Variants in HCFC1 observed in about 807,000 individuals in gnomAD.
HCFC1 encodes the protein host cell factor 1.
Under a neutral mutation model 105.5 loss-of-function variants are expected in HCFC1, and 7 were observed. The observed-to-expected ratio is 0.07, with a 90% CI of 0.04 to 0.12. The LOEUF (loss-of-function observed/expected upper bound fraction) is 0.12. Among genes scored for constraint, HCFC1 ranks in the 10% least tolerant of loss-of-function variants. The pLI, the probability that HCFC1 is intolerant of heterozygous loss-of-function variation, is 1.00. For missense variants in HCFC1, 1,065 were observed against 1,823.6 expected (o/e 0.58, Z 7.58); for synonymous variants, 918 against 828.1 (o/e 1.11, Z -1.86).
intron 22 of HCFC1, 77 bp downstream of exon 22, chrX:153,951,273 G>C: frequency 1.8e-6 from 2 of 1,121,162 alleles, no homozygotes; most frequent in Non-Finnish European, 2.4e-6. Context: ...AGATGGAGGA[G>C]TTTCCTGTAA....
In HCFC1 at chrX:153,959,946, C is replaced by A; in HGVS notation, c.1300G>T (p.Ala434Ser). 1 of 1,210,400 alleles carries A rather than the reference C, an allele frequency of 8.3e-7. No individual in the cohort carries two copies. The highest frequency in any genetic ancestry group is 1.8e-5 in the South Asian group (1 of 56,900). The stretch of plus-strand genomic sequence containing the variant: ...TGGGTCAGCGGCTGCACAGCAGGTG[C>A]GGCTGCTGCTGGGGCAGGGCTCTTG... ...PPKSPAPAAA[A>S]PAVQPLTQVG... The change falls in exon 8 of 26, where the codon GCA (alanine) becomes TCA (serine). Residue 434 changes from alanine to serine, a missense_variant. By Grantham distance (99) the Ala-to-Ser change is moderately conservative. Transcript: ENST00000310441.
chrX:153,952,093 G>A lies in HCFC1; in HGVS notation c.5008C>T (p.Leu1670=). ...ATVTQAELGH[L]SAEGQEGQAT... is the part of the protein sequence containing the mutation. ...TGGCCCTCCTGACCCTCGGCCGACA[G>A]GTGCCCCAGCTCCGCCTGAGTCACG... The change falls in exon 20 of 26, where the codon CTG becomes TTG. Residue 1670 remains leucine (L), a synonymous_variant. Transcript: ENST00000310441. The A allele has an allele frequency of 8.6e-7, 1 of 1,158,757 alleles. No homozygotes were observed. The highest frequency in any genetic ancestry group is 1.1e-6 in the Non-Finnish European group (1 of 870,586).
chrX:153,951,053 C>T (rs1256048476), intron 22 of HCFC1, 55 bp from the exon 23 acceptor site: 6 of 1,066,693 alleles, frequency 5.6e-6, no homozygotes, highest in Admixed American at 2.2e-5. Flanking sequence ...CTCTGGGCCA[C>T]CCCAGGAACA....
chrX:153,971,070 G>C lies in HCFC1; in HGVS notation c.-230C>G, dbSNP rs1226676473. ...CAAGAGCCGCCCGAAACTGTCGAGC[G>C]CCTAGGCTCAAGAAGCTGGAGGCCG... is the stretch of plus-strand genomic sequence containing the variant. On this transcript the variant is annotated 5_prime_UTR_variant, in exon 1 of 26. Coordinates refer to ENST00000310441, the MANE Select transcript of HCFC1 (RefSeq NM_005334.3). 1.6e-5 allele frequency: 6 copies of C among 369,242 alleles called. No individual in the cohort carries two copies. Among genetic ancestry groups the C allele is most frequent in the African/African-American group, 1.6e-4 (6 of 37,284 alleles). 30.4% of individuals were successfully genotyped at this position (369,242 alleles called of 1,213,427 possible). A position where few individuals can be genotyped will look rare whatever the true frequency, so the allele number is the denominator to read the frequency against.
intron 6 of HCFC1, 32 bp downstream of exon 6, chrX:153,961,510 C>T (rs2065429478): frequency 9.5e-7 from 1 of 1,058,068 alleles, no homozygotes; most frequent in African/African-American, 1.8e-5. Flanking sequence ...TGCAGCCTCC[C>T]ACAGGCCACT....
intron 1 of HCFC1, 108 bp downstream of exon 1, chrX:153,970,540 G>A (rs1488458161): frequency 1.2e-4 from 61 of 509,658 alleles, no homozygotes; most frequent in Middle Eastern, 7.4e-4. Context: ...AGGAGATGGA[G>A]GGAGGGAGGA....
At chrX:153,966,978 C>T (rs1444803076) in intron 1 of HCFC1, among the ~76,000 whole-genome samples, 1 of 112,313 alleles carries the variant, frequency 8.9e-6, no homozygotes, top group Non-Finnish European at 1.9e-5. Flanking sequence ...GATCCTTCTA[C>T]AGGACCCAAG....
At position 153,971,393 on chromosome X, in the gene HCFC1, G is replaced by C. The variant is rs2148619755; in HGVS notation, c.-553C>G. Reference sequence around the variant, plus strand: ...TGAGACCGTCCCGCTTCCCCGCCCAGCGCCTTAGTGCAGCCGCCGCTCCCG... The same window carrying C: ...TGAGACCGTCCCGCTTCCCCGCCCACCGCCTTAGTGCAGCCGCCGCTCCCG... On this transcript the variant is annotated 5_prime_UTR_variant, in exon 1 of 26. Coordinates refer to ENST00000310441, the MANE Select transcript of HCFC1 (RefSeq NM_005334.3). 3.4e-6 allele frequency: 1 copy of C among 292,360 alleles called. No homozygotes were observed. Among genetic ancestry groups the C allele is most frequent in the South Asian group, 2.3e-4 (1 of 4,403 alleles). 24.1% of individuals were successfully genotyped at this position (292,360 alleles called of 1,213,427 possible).
At position 153,970,865 on chromosome X, in the gene HCFC1, G is replaced by C. The variant is rs781965630; in HGVS notation, c.-25C>G. The C allele has an allele frequency of 7.1e-6, 8 of 1,122,276 alleles. No homozygotes were observed. Among genetic ancestry groups the C allele is most frequent in the Admixed American group, 3.4e-5 (1 of 29,257 alleles). The allele number at this position is 1,122,276 out of a possible 1,213,427, so 92.5% of individuals were successfully genotyped here. On this transcript the variant is annotated 5_prime_UTR_variant, in exon 1 of 26. Coordinates refer to ENST00000310441, the MANE Select transcript of HCFC1 (RefSeq NM_005334.3). ...TAGTTCCGGGAAAGGGTGCGGTGGG[G>C]AGAAGTCAACAAGCGGGAAGGGAGC... is the stretch of plus-strand genomic sequence containing the variant.
chrX:153,956,070 G>T, intron 16 of HCFC1, 121 bp downstream of exon 16: 2 of 642,237 alleles, frequency 3.1e-6, no homozygotes, highest in Non-Finnish European at 4.9e-6. Flanking sequence ...GCCTGCCATG[G>T]CTGCACCCGG....
chrX:153,964,514 G>A, intron 2 of HCFC1, 64 bp downstream of exon 2: 1 of 1,112,044 alleles, frequency 9.0e-7, no homozygotes, highest in Non-Finnish European at 1.2e-6. Flanking sequence ...CCTCAACCCT[G>A]AAGCCACTAC....
intron 3 of HCFC1, 67 bp downstream of exon 3, chrX:153,964,057 C>T: frequency 1.0e-6 from 1 of 982,203 alleles, no homozygotes; most frequent in Non-Finnish European, 1.4e-6. Flanking sequence ...TTTAGGACAC[C>T]ATGGAGCCCT....
chrX:153,957,603 C>T lies in HCFC1; in HGVS notation c.2134-70G>A, dbSNP rs1239093935. 29 of 938,442 alleles carry T rather than the reference C, an allele frequency of 3.1e-5. No individual in the cohort carries two copies. The South Asian group carries it at 3.5e-4, about 11-fold the overall frequency. 77.3% of individuals were successfully genotyped at this position (938,442 alleles called of 1,213,427 possible). A position where few individuals can be genotyped will look rare whatever the true frequency, so the allele number is the denominator to read the frequency against. On this transcript the variant is annotated intron_variant, in intron 12 of 25. Transcript: ENST00000310441. ...AGGGAAGTGTGGTCTGGCTACTCTC[C>T]GCCGGCAGCCTTGGCGGCTCAGGGA... is the stretch of plus-strand genomic sequence containing the variant.
In HCFC1 at chrX:153,954,205, G is replaced by A. The variant is rs782322654; in HGVS notation, c.4194C>T (p.Ser1398=). ...ESGLEVAAAP[S]VTPQAGTALL... is the part of the protein sequence containing the mutation. The stretch of plus-strand genomic sequence containing the variant: ...GCGCGGTGCCAGCCTGGGGGGTGAC[G>A]CTGGGTGCCGCCGCCACCTCTAGGC... The change falls in exon 17 of 26, where the codon AGC becomes AGT. Residue 1398 remains serine, a synonymous_variant. Transcript: ENST00000310441. 68 of 1,206,248 alleles carry A rather than the reference G, an allele frequency of 5.6e-5. No individual in the cohort carries two copies. The highest frequency in any genetic ancestry group is 7.3e-5 in the Non-Finnish European group (65 of 894,093).
At position 153,971,502 on chromosome X, in the gene HCFC1, TCGCGCC is replaced by T; in HGVS notation, c.-668_-663del. 3.4e-6 allele frequency: 1 copy of T among 293,537 alleles called. No individual in the cohort carries two copies. Among genetic ancestry groups the T allele is most frequent in the African/African-American group, 2.7e-5 (1 of 36,909 alleles). 24.2% of individuals were successfully genotyped at this position (293,537 alleles called of 1,213,427 possible). A position where few individuals can be genotyped will look rare whatever the true frequency, so the allele number is the denominator to read the frequency against. ...GAGCTCTCGAGGGCCGTTTGGGGGC[TCGCGCC>T]GTACGGCTTGTGAAGTCTCGCGCCT... On this transcript the variant is annotated 5_prime_UTR_variant, in exon 1 of 26. Coordinates refer to ENST00000310441, the MANE Select transcript of HCFC1 (RefSeq NM_005334.3).
At position 153,951,986 on chromosome X, in the gene HCFC1, G is replaced by C. The variant is rs781826599; in HGVS notation, c.5115C>G (p.Ala1705=). ...VQQQQLQEAQ[A]QQQHHHLPTE... ...TGGGGAGGTGGTGATGCTGCTGCTGGGCCTGGGCCTCCTGCAGCTGCTGCT... is the reference window on the plus strand; with the variant it reads ...TGGGGAGGTGGTGATGCTGCTGCTGCGCCTGGGCCTCCTGCAGCTGCTGCT... The change falls in exon 20 of 26, where the codon GCC becomes GCG. Residue 1705 remains alanine (A), a synonymous_variant. Transcript: ENST00000310441. 2.5e-6 allele frequency: 3 copies of C among 1,194,238 alleles called. No homozygotes were observed. The African/African-American group carries it at 5.2e-5, about 21-fold the overall frequency.
chrX:153,971,403 G>A lies in HCFC1; in HGVS notation c.-563C>T, dbSNP rs1334655165. On this transcript the variant is annotated 5_prime_UTR_variant, in exon 1 of 26. Transcript: ENST00000310441. ...CCGCTTCCCCGCCCAGCGCCTTAGT[G>A]CAGCCGCCGCTCCCGAAACAGCCTC... 3.4e-6 allele frequency: 1 copy of A among 294,477 alleles called. No individual in the cohort carries two copies. Among genetic ancestry groups the A allele is most frequent in the East Asian group, 4.8e-5 (1 of 20,892 alleles). 24.3% of individuals were successfully genotyped at this position (294,477 alleles called of 1,213,427 possible). A position where few individuals can be genotyped will look rare whatever the true frequency, so the allele number is the denominator to read the frequency against.
At position 153,954,100 on chromosome X, in the gene HCFC1, G is replaced by A. The variant is rs782433810; in HGVS notation, c.4299C>T (p.Ala1433=). 8.3e-7 allele frequency: 1 copy of A among 1,207,967 alleles called. No homozygotes were observed. Among genetic ancestry groups the A allele is most frequent in the South Asian group, 1.8e-5 (1 of 56,684 alleles). The change falls in exon 17 of 26, where the codon GCC becomes GCT. Residue 1433 remains alanine (A), a synonymous_variant. Transcript: ENST00000310441. The part of the protein sequence containing the change: ...ETHETGTTHT[A]TTVTSNMSSN... ...AACTCATGTTGGAAGTGACAGTGGT[G>A]GCCGTGTGAGTGGTGCCCGTCTCGT...
Position 153,964,231 on chromosome X carries a change from G to A in HCFC1, c.396C>T (p.Pro132=). Residue 132 remains proline, a synonymous_variant, in exon 3 of 26, where the codon CCC becomes CCT. Coordinates refer to ENST00000310441, the MANE Select transcript of HCFC1 (RefSeq NM_005334.3). The part of the protein sequence containing the change: ...RLKAKTPKNG[P]PPCPRLGHSF... The stretch of plus-strand genomic sequence containing the variant: ...TGTGCCCGAGTCGAGGACACGGAGG[G>A]GGCCCGTTTTTGGGCGTCTTTGCTT... 3 of 1,202,887 alleles carry A rather than the reference G, an allele frequency of 2.5e-6. No homozygotes were observed. Among genetic ancestry groups the A allele is most frequent in the Non-Finnish European group, 3.4e-6 (3 of 890,267 alleles).
Sources: gnomAD v4.1 joint callset for allele counts (sites outside exome capture counted in the v4.1 genomes callset) on GRCh38, gnomAD v4.1.1 for gene constraint, MANE v1.5 for transcripts, NCBI Gene and HGNC (gene_info 2026-07-23, HGNC 2026-07-21) for gene names.